The following CLDN18 variants were observed in gnomAD, a reference collection of about 807,000 sequenced individuals.
CLDN18 encodes claudin-18.
In CLDN18, 20 loss-of-function variants were observed where a neutral mutation model predicts 25.0. The observed-to-expected ratio is 0.80, with a 90% CI of 0.56 to 1.16. The LOEUF is 1.16. CLDN18 is among the 50% of genes most tolerant of loss of function. CLDN18 has a pLI of 0.00. For synonymous variants in CLDN18, 125 were observed against 135.6 expected, an observed-to-expected ratio of 0.92 and a Z score of 0.54; for missense variants, 297 against 345.4, an observed-to-expected ratio of 0.86 and a Z score of 1.11.
At chr3:138,023,605 G>T in intron 1 of CLDN18, 53 bp from the exon 2 acceptor site, 1 of 1,571,624 alleles carries the variant, frequency 6.4e-7, no homozygotes. Flanking sequence ...GCCTAATCAA[G>T]TGTGCTGAGT....
chr3:138,002,668 G>C (rs1488341235), intron 1 of CLDN18, among the ~76,000 whole-genome samples: 1 of 152,168 alleles, frequency 6.6e-6, no homozygotes, highest in Non-Finnish European at 1.5e-5. Context: ...CATACCCTGA[G>C]GATGGAAACA....
intron 1 of CLDN18, among the ~76,000 whole-genome samples, chr3:138,001,548 G>A (rs1005599644): frequency 6.6e-6 from 1 of 152,110 alleles, no homozygotes; most frequent in African/African-American, 2.4e-5. Context: ...ATGCTGGAGA[G>A]ATAGGGAGAT....
chr3:138,017,172 T>C (rs1335222653), intron 1 of CLDN18, among the ~76,000 whole-genome samples: 1 of 152,180 alleles, frequency 6.6e-6, no homozygotes, highest in Non-Finnish European at 1.5e-5. Flanking sequence ...GTTAGGACAT[T>C]TGTTCTTCTA....
chr3:138,029,819 T>C lies in CLDN18; in HGVS notation c.526T>C (p.Phe176Leu), dbSNP rs1474284804. The C allele has an allele frequency of 6.3e-7, 1 of 1,586,516 alleles. No homozygotes were observed. The highest frequency in any genetic ancestry group is 1.2e-5 in the South Asian group (1 of 85,924). ...CAGGTACACATTTGGTGCGGCTCTG[T>C]TCGTGGGCTGGGTCGCTGGAGGCCT... ...QTRYTFGAALFVGWVAGGLTL... is the reference protein window; with the variant it reads ...QTRYTFGAALLVGWVAGGLTL... Residue 176 changes from phenylalanine (F) to leucine (L), a missense_variant, in exon 4 of 5, where the codon TTC (phenylalanine) becomes CTC (leucine). Transcript: ENST00000183605.
At chr3:138,024,011 C>T (rs1260050645) in intron 2 of CLDN18, among the ~76,000 whole-genome samples, 189 bp downstream of exon 2, 1 of 151,996 alleles carries the variant, frequency 6.6e-6, no homozygotes, top group Non-Finnish European at 1.5e-5. Context: ...CACTCCAACC[C>T]CAATATAAGA....
At chr3:138,013,497 A>G (rs1176302924) in intron 1 of CLDN18, among the ~76,000 whole-genome samples, 1 of 152,230 alleles carries the variant, frequency 6.6e-6, no homozygotes, top group Non-Finnish European at 1.5e-5. Flanking sequence ...TGCTGGGGCA[A>G]GAGAAGAAAG....
At chr3:138,013,616 T>G (rs888776498) in intron 1 of CLDN18, among the ~76,000 whole-genome samples, 4 of 152,192 alleles carry the variant, frequency 2.6e-5, no homozygotes, top group Non-Finnish European at 4.4e-5. Flanking sequence ...CTGGGAGATG[T>G]AGGAGCACAT....
chr3:138,020,996 T>C (rs1942264287), intron 1 of CLDN18, among the ~76,000 whole-genome samples: 1 of 152,226 alleles, frequency 6.6e-6, no homozygotes, highest in Non-Finnish European at 1.5e-5. Context: ...TTGGTGTGTG[T>C]CCTTAGGCAA....
At chr3:138,025,366 C>T (rs182085332) in intron 3 of CLDN18, among the ~76,000 whole-genome samples, 46 of 152,300 alleles carry the variant, frequency 3.0e-4, no homozygotes, top group Admixed American at 4.6e-4. Context: ...GCAATACCAA[C>T]GCCCATATTC....
chr3:138,006,055 T>TA (rs988454680), upstream of CLDN18, among the ~76,000 whole-genome samples: 3 of 152,218 alleles, frequency 2.0e-5, no homozygotes, highest in Admixed American at 6.5e-5. Flanking sequence ...TTTAATTATG[T>TA]AAAAAAATAC....
chr3:138,027,031 G>A (rs1176354304), intron 3 of CLDN18, among the ~76,000 whole-genome samples: 1 of 152,220 alleles, frequency 6.6e-6, no homozygotes, highest in Non-Finnish European at 1.5e-5. Context: ...AGCTGGAGAA[G>A]AGACCCACAG....
intron 3 of CLDN18, among the ~76,000 whole-genome samples, chr3:138,026,056 T>C (rs1942323525): frequency 6.6e-6 from 1 of 152,140 alleles, no homozygotes; most frequent in South Asian, 2.1e-4. Context: ...TGTCTTTCCC[T>C]TTCTTTTGTC....
upstream of CLDN18, among the ~76,000 whole-genome samples, chr3:138,005,343 T>A (rs999402419): frequency 1.3e-5 from 2 of 152,166 alleles, no homozygotes; most frequent in African/African-American, 4.8e-5. Flanking sequence ...CTGCACCCAT[T>A]AACCATCTAC....
intron 3 of CLDN18, among the ~76,000 whole-genome samples, chr3:138,028,638 A>G (rs1402388546): frequency 6.6e-6 from 1 of 152,240 alleles, no homozygotes; most frequent in Non-Finnish European, 1.5e-5. Flanking sequence ...ATCAGCTGGC[A>G]TTAAAATACG....
intron 1 of CLDN18, among the ~76,000 whole-genome samples, chr3:138,004,390 C>T (rs570842103): frequency 4.0e-5 from 6 of 151,236 alleles, no homozygotes; most frequent in South Asian, 4.2e-4. Flanking sequence ...ATCAAAATAC[C>T]GGCAAGAGTT....
At chr3:138,013,363 T>C (rs1942163510) in intron 1 of CLDN18, among the ~76,000 whole-genome samples, 2 of 152,204 alleles carry the variant, frequency 1.3e-5, no homozygotes, top group African/African-American at 4.8e-5. Context: ...GAGTAGTTAA[T>C]GTCTGCTGCT....
intron 3 of CLDN18, 41 bp from the exon 4 acceptor site, chr3:138,029,756 G>A: frequency 7.9e-7 from 1 of 1,258,172 alleles, no homozygotes; most frequent in Admixed American, 2.5e-5. Flanking sequence ...AGCCTGGAGA[G>A]TTGAGTCAAC....
chr3:138,016,882 T>C (rs964917770), intron 1 of CLDN18, among the ~76,000 whole-genome samples: 9 of 152,084 alleles, frequency 5.9e-5, no homozygotes, highest in African/African-American at 1.9e-4. Flanking sequence ...GGTGAAACCC[T>C]GTCTCTACTA....
At position 138,033,382 on chromosome 3, in the gene CLDN18, G is replaced by A. The variant is rs1170855129; in HGVS notation, c.*2241G>A. 6.6e-6 allele frequency: 1 copy of A among 152,242 alleles called. No homozygotes were observed. Among genetic ancestry groups the A allele is most frequent in the Non-Finnish European group, 1.5e-5 (1 of 68,048 alleles). 9.4% of individuals were successfully genotyped at this position (152,242 alleles called of 1,614,324 possible). ...GTGCTCTCTGGATTTGAGTTGAAGA[G>A]CATCCATTTGAGTTGAAGGCCACAG... On this transcript the variant is annotated 3_prime_UTR_variant, in exon 5 of 5. Coordinates refer to ENST00000183605, the MANE Select transcript of CLDN18 (RefSeq NM_016369.4).
Sources: gnomAD v4.1 joint callset for allele counts (sites outside exome capture counted in the v4.1 genomes callset) on GRCh38, gnomAD v4.1.1 for gene constraint, MANE v1.5 for transcripts, NCBI Gene and HGNC (gene_info 2026-07-23, HGNC 2026-07-21) for gene names.